TF: variants seen among roughly 807,000 people sequenced by gnomAD.
TF encodes the protein transferrin, also known as serotransferrin.
In TF, 55 loss-of-function variants were observed where a neutral mutation model predicts 82.4. The observed-to-expected ratio is 0.67, with a 90% CI of 0.54 to 0.84. The LOEUF (loss-of-function observed/expected upper bound fraction) is 0.84, where lower values mean the gene tolerates loss of function less well. Ranked by LOEUF, TF falls within the 40% of genes least tolerant of loss-of-function variation. TF has a pLI of 0.00. For synonymous variants in TF, 332 were observed against 332.6 expected, an observed-to-expected ratio of 1.00 and a Z score of 0.02; for missense variants, 737 against 868.4, an observed-to-expected ratio of 0.85 and a Z score of 1.90.
chr3:133,746,014 C>G (rs1397165799), upstream of TF: 1 of 290,588 alleles, frequency 3.4e-6, no homozygotes, highest in Non-Finnish European at 6.7e-6. Flanking sequence ...TCTTTTCCCT[C>G]TCCAGCCTCG....
chr3:133,737,293 A>G, the TF span, among the ~76,000 whole-genome samples: 4 of 152,244 alleles, frequency 2.6e-5, no homozygotes, highest in Admixed American at 2.0e-4. Context: ...ATGTACCAGA[A>G]TCTCTGGGAC....
the TF span, among the ~76,000 whole-genome samples, chr3:133,719,364 A>G: frequency 3.3e-5 from 5 of 152,206 alleles, no homozygotes; most frequent in Non-Finnish European, 2.9e-5. Flanking sequence ...TGTCCATAGT[A>G]GAAATAAGTA....
chr3:133,691,539 A>G, the TF span, among the ~76,000 whole-genome samples: 1 of 152,324 alleles, frequency 6.6e-6, no homozygotes, highest in East Asian at 1.9e-4. Flanking sequence ...ACGAGATGGT[A>G]GTTTGAAGAC....
intron 16 of TF, 161 bp downstream of exon 16, chr3:133,777,399 G>T (rs1159077682): frequency 2.5e-5 from 17 of 692,824 alleles, no homozygotes; most frequent in Middle Eastern, 6.0e-4. Flanking sequence ...TGTATGACAG[G>T]CTAGACTGTA....
chr3:133,755,219 G>C, intron 4 of TF, 144 bp from the exon 5 acceptor site: 1 of 983,106 alleles, frequency 1.0e-6, no homozygotes, highest in South Asian at 1.4e-5. Flanking sequence ...TGATCTTGAT[G>C]AGTTAGCATA....
upstream of TF, among the ~76,000 whole-genome samples, chr3:133,743,953 T>G (rs990395756): frequency 1.3e-5 from 2 of 152,232 alleles, no homozygotes; most frequent in African/African-American, 4.8e-5. Context: ...GAAGCTCTGC[T>G]GTTGTCCTCT....
At chr3:133,745,359 T>C (rs1933470550), upstream of TF, among the ~76,000 whole-genome samples, 1 of 152,240 alleles carries the variant, frequency 6.6e-6, no homozygotes, top group Non-Finnish European at 1.5e-5. Flanking sequence ...CCAAGTATAT[T>C]ATGCCTTGAG....
the TF span, among the ~76,000 whole-genome samples, chr3:133,727,126 A>G: frequency 6.6e-6 from 1 of 152,152 alleles, no homozygotes; most frequent in Non-Finnish European, 1.5e-5. Context: ...AAAAATGTAT[A>G]TTCTGTTGAT....
chr3:133,783,705 T>C lies in TF; in HGVS notation c.*5085T>C, dbSNP rs1375370555. 1.3e-5 allele frequency: 2 copies of C among 152,250 alleles called. No homozygotes were observed. Among genetic ancestry groups the C allele is most frequent in the African/African-American group, 4.8e-5 (2 of 41,458 alleles). 9.4% of individuals were successfully genotyped at this position (152,250 alleles called of 1,614,324 possible). On this transcript the variant is annotated 3_prime_UTR_variant, in exon 17 of 17. Coordinates refer to ENST00000402696, the MANE Select transcript of TF (RefSeq NM_001063.4). ...AATCAGTATAAAAAGACGAACAGAATTTGAGATGTGAGCGCGGACAGCTCT... is the reference window on the plus strand; with the variant it reads ...AATCAGTATAAAAAGACGAACAGAACTTGAGATGTGAGCGCGGACAGCTCT...
chr3:133,775,144 A>G (rs1051726718), intron 14 of TF: 14 of 472,964 alleles, frequency 3.0e-5, no homozygotes, highest in African/African-American at 2.2e-4. Flanking sequence ...ATTTAGTGGA[A>G]TTGAAGATCT....
the TF span, among the ~76,000 whole-genome samples, chr3:133,722,949 GTA>G: frequency 6.6e-6 from 1 of 152,132 alleles, no homozygotes; most frequent in South Asian, 2.1e-4. Flanking sequence ...AACATTTCTT[GTA>G]AGGCTGGTCT....
intron 13 of TF, 26 bp from the exon 14 acceptor site, chr3:133,770,482 T>TC (rs754183348): frequency 1.2e-6 from 2 of 1,613,674 alleles, no homozygotes; most frequent in African/African-American, 1.3e-5. Context: ...CCTTTTTTTT[T>TC]CTCTCCCACT....
At chr3:133,683,727 A>G in the TF span, among the ~76,000 whole-genome samples, 1 of 152,192 alleles carries the variant, frequency 6.6e-6, no homozygotes, top group Non-Finnish European at 1.5e-5. Flanking sequence ...CTACAAAGAG[A>G]CTTAGACTCC....
In TF at chr3:133,784,291, G is replaced by A. The variant is rs993531929; in HGVS notation, c.*5671G>A. ...ATCGGAAAGGCCCACCACCCTTTAGGAAGATTACTGGCTGTTTATAGAAGG... is the reference window on the plus strand; with the variant it reads ...ATCGGAAAGGCCCACCACCCTTTAGAAAGATTACTGGCTGTTTATAGAAGG... On this transcript the variant is annotated 3_prime_UTR_variant, in exon 17 of 17. Transcript: ENST00000402696. 9 of 152,066 alleles carry A rather than the reference G, an allele frequency of 5.9e-5. No homozygotes were observed. The highest frequency in any genetic ancestry group is 1.2e-4 in the Non-Finnish European group (8 of 68,030). 9.4% of individuals were successfully genotyped at this position (152,066 alleles called of 1,614,324 possible).
Position 133,757,766 on chromosome 3 carries a change from C to A in TF, c.871-3C>A. The A allele has an allele frequency of 6.2e-7, 1 of 1,613,734 alleles. No homozygotes were observed. ...ATCCACTATTCTGTTTTTCTATGAA[C>A]AGGAACATTTTGGCAAAGACAAATC... is the stretch of plus-strand genomic sequence containing the variant. On this transcript the variant is annotated splice_region_variant and splice_polypyrimidine_tract_variant and intron_variant, in intron 7 of 16. Coordinates refer to ENST00000402696, the MANE Select transcript of TF (RefSeq NM_001063.4).
the TF span, among the ~76,000 whole-genome samples, chr3:133,689,015 A>G: frequency 6.6e-6 from 1 of 152,328 alleles, no homozygotes; most frequent in Admixed American, 6.5e-5. Flanking sequence ...TATATGAGAG[A>G]TCTGCAAGGC....
At chr3:133,748,888 G>C (rs1307429296) in intron 2 of TF, among the ~76,000 whole-genome samples, 1 of 152,096 alleles carries the variant, frequency 6.6e-6, no homozygotes, top group Non-Finnish European at 1.5e-5. Flanking sequence ...GGCTGGGCGC[G>C]GTGGCTCATG....
At chr3:133,730,589 CA>C in the TF span, among the ~76,000 whole-genome samples, 1 of 152,282 alleles carries the variant, frequency 6.6e-6, no homozygotes, top group Middle Eastern at 3.4e-3. Context: ...GAAGAGCTGT[CA>C]AGAACCCCAC....
Position 133,754,597 on chromosome 3 carries a change from G to T in TF, c.428G>T (p.Arg143Met). The T allele has an allele frequency of 6.2e-7, 1 of 1,614,228 alleles. No homozygotes were observed. Among genetic ancestry groups the T allele is most frequent in the South Asian group, 1.1e-5 (1 of 91,082 alleles). ...AAGTCCTGCCACACGGGTCTAGGCA[G>T]GTCCGCTGGGTGGAACATCCCCATA... Reference protein sequence around the residue: ...GKKSCHTGLGRSAGWNIPIGL... With the variant: ...GKKSCHTGLGMSAGWNIPIGL... Residue 143 changes from arginine to methionine, a missense_variant, in exon 4 of 17, where the codon AGG becomes ATG. By Grantham distance (91) the Arg-to-Met change is moderately conservative (BLOSUM62 -1). Transcript: ENST00000402696.
Sources: allele counts gnomAD v4.1 joint callset (sites outside exome capture counted in the v4.1 genomes callset), GRCh38; gene constraint gnomAD v4.1.1; transcripts MANE v1.5; gene names NCBI Gene and HGNC (gene_info 2026-07-23, HGNC 2026-07-21).